The following KCNC1 variants were observed in gnomAD, a reference collection of about 807,000 sequenced individuals.
KCNC1 encodes the protein potassium voltage-gated channel subfamily C member 1, also known as voltage-gated potassium channel KCNC1.
Under a neutral mutation model 43.4 loss-of-function variants are expected in KCNC1, and 8 were observed. The observed-to-expected ratio is 0.18, with a 90% CI of 0.11 to 0.33. The LOEUF is 0.33. KCNC1 is among the 10% of genes least tolerant of loss of function. KCNC1 has a pLI of 1.00. For missense variants in KCNC1, 420 were observed against 836.0 expected, an observed-to-expected ratio of 0.50 and a Z score of 6.14; for synonymous variants, 361 against 360.5, an observed-to-expected ratio of 1.00 and a Z score of -0.01.
At chr11:17,778,258 C>T (rs1340564725) in intron 2 of KCNC1, among the ~76,000 whole-genome samples, 2 of 152,228 alleles carry the variant, frequency 1.3e-5, no homozygotes, top group Non-Finnish European at 2.9e-5. Context: ...GCTCCGAGAT[C>T]GCAGAGAGAC....
rs1328552809 is a variant in KCNC1, at chr11:17,736,293, C to G, written c.291C>G (p.Asp97Glu). The G allele has an allele frequency of 6.2e-7, 1 of 1,613,438 alleles. No individual in the cohort carries two copies. Among genetic ancestry groups the G allele is most frequent in the Non-Finnish European group, 8.5e-7 (1 of 1,179,886 alleles). The change falls in exon 1 of 4, where the codon GAC (aspartate) becomes GAG (glutamate). Residue 97 changes from aspartate to glutamate, a missense_variant. By Grantham distance (45) the Asp-to-Glu change is conservative (BLOSUM62 2). Coordinates refer to ENST00000265969, the MANE Select transcript of KCNC1 (RefSeq NM_001112741.2). The surrounding 1 kb of genome is among the most constrained non-coding windows in gnomAD (Gnocchi z 9.3). ...YEEELAFWGI[D>E]ETDVEPCCWM... ...AGGAGCTGGCCTTCTGGGGCATCGA[C>G]GAGACCGACGTGGAGCCCTGCTGCT...
chr11:17,751,946 G>A (rs532883783), intron 1 of KCNC1, among the ~76,000 whole-genome samples: 49 of 152,312 alleles, frequency 3.2e-4, no homozygotes, highest in African/African-American at 9.6e-4. Flanking sequence ...ATGTGTTCAA[G>A]GAGGCAGTGC....
intron 1 of KCNC1, among the ~76,000 whole-genome samples, chr11:17,740,923 G>C (rs1040140959): frequency 1.3e-5 from 2 of 152,166 alleles, no homozygotes; most frequent in Non-Finnish European, 2.9e-5. Context: ...CCTCCCTTGG[G>C]TCCCAGCCGA....
At position 17,775,118 on chromosome 11, in the gene KCNC1, C is replaced by T. The variant is rs556296722; in HGVS notation, c.1504+2520C>T. On this transcript the variant is annotated intron_variant, in intron 2 of 3. Coordinates refer to ENST00000265969, the MANE Select transcript of KCNC1 (RefSeq NM_001112741.2). ...GGGGCAAGGAAGGTAAATGTGGTGG[C>T]CCCACAGGAATTGTGAGAGATGAGA... 11 of 985,590 alleles carry T rather than the reference C, an allele frequency of 1.1e-5. No homozygotes were observed. In the African/African-American group the frequency reaches 1.2e-4, roughly 11 times the overall value. 61.1% of individuals were successfully genotyped at this position (985,590 alleles called of 1,614,324 possible). A position where few individuals can be genotyped will look rare whatever the true frequency, so the allele number is the denominator to read the frequency against.
rs1438661827 is a variant in KCNC1 at position 17,736,609 on chromosome 11, G to A, written c.570+37G>A. 2.1e-6 allele frequency: 3 copies of A among 1,459,276 alleles called. No individual in the cohort carries two copies. Among genetic ancestry groups the A allele is most frequent in the Non-Finnish European group, 2.7e-6 (3 of 1,112,228 alleles). 90.4% of individuals were successfully genotyped at this position (1,459,276 alleles called of 1,614,324 possible). ...TTTACCCATCAGAAGAGCGGGGCGGGAAGGCAGCGTCCTGTGCCTCCCCGC... is the reference window on the plus strand; with the variant it reads ...TTTACCCATCAGAAGAGCGGGGCGGAAAGGCAGCGTCCTGTGCCTCCCCGC... On this transcript the variant is annotated intron_variant, in intron 1 of 3. Transcript: ENST00000265969. This position sits in a 1 kb window ranked among gnomAD's most constrained non-coding sequence, Gnocchi z 9.3.
chr11:17,752,308 A>AC, intron 1 of KCNC1, among the ~76,000 whole-genome samples: 1 of 152,050 alleles, frequency 6.6e-6, no homozygotes, highest in South Asian at 2.1e-4. Context: ...ACCAAGCTGC[A>AC]CCCCCCACAC....
intron 1 of KCNC1, among the ~76,000 whole-genome samples, chr11:17,749,856 A>C (rs1848945389): frequency 6.6e-6 from 1 of 152,240 alleles, no homozygotes; most frequent in Non-Finnish European, 1.5e-5. Flanking sequence ...TCATCTATAA[A>C]GTGTGCATAA....
chr11:17,748,195 C>T (rs1360218484), intron 1 of KCNC1, among the ~76,000 whole-genome samples: 4 of 152,000 alleles, frequency 2.6e-5, no homozygotes, highest in African/African-American at 7.3e-5. Context: ...GGCAGGGAAG[C>T]GTCACTGTGA....
intron 1 of KCNC1, among the ~76,000 whole-genome samples, chr11:17,769,714 A>G (rs1485460417): frequency 6.6e-6 from 1 of 152,120 alleles, no homozygotes; most frequent in East Asian, 1.9e-4. Context: ...ATTAATTAAT[A>G]AAAATTTAAA....
Position 17,758,981 on chromosome 11 carries a change from T to A in KCNC1, c.571-12684T>A, listed in dbSNP as rs569862172. On this transcript the variant is annotated intron_variant, in intron 1 of 3. Transcript: ENST00000265969. ...AGCTTTGAAGCCAGGCATTGACTTC[T>A]TCTCTCTAGCTATGAAAACCCTCAA... Among the ~76,000 whole-genome samples the A allele has an allele frequency of 5.9e-5, 9 of 152,370 alleles. No individual in the cohort carries two copies. In the East Asian group the frequency reaches 1.5e-3, roughly 26 times the overall value.
At position 17,779,458 on chromosome 11, in the gene KCNC1, T is replaced by G; in HGVS notation, c.1507T>G (p.Ser503Ala). 2 of 1,544,348 alleles carry G rather than the reference T, an allele frequency of 1.3e-6. No individual in the cohort carries two copies. The highest frequency in any genetic ancestry group is 1.7e-6 in the Non-Finnish European group (2 of 1,144,066). The change falls in exon 3 of 4, where the codon TCC becomes GCC. Residue 503 changes from serine to alanine, a missense_variant and splice_region_variant. Around this residue, in one of 5 missense-constraint regions of KCNC1, gnomAD observed 147 missense variants for 176.1 expected, o/e 0.83. Transcript: ENST00000265969. The surrounding 1 kb of genome is among the most constrained non-coding windows in gnomAD (Gnocchi z 7.2). ...AGCTTCTGCTTATATGTTTGAAGATTCCAAACTGAATGGGGAGGTGGCGAA... is the reference window on the plus strand; with the variant it reads ...AGCTTCTGCTTATATGTTTGAAGATGCCAAACTGAATGGGGAGGTGGCGAA... The part of the protein sequence containing the change: ...EEILEINRAD[S>A]KLNGEVAKAA...
intron 2 of KCNC1, chr11:17,775,619 G>A (rs1373137537): frequency 8.1e-6 from 8 of 985,532 alleles, no homozygotes; most frequent in African/African-American, 3.5e-5. Context: ...TGCCCAGACC[G>A]CCCACTCTGG....
Position 17,735,595 on chromosome 11 carries a change from A to C in KCNC1, c.-408A>C. 1.2e-5 allele frequency: 2 copies of C among 171,446 alleles called. No homozygotes were observed. The highest frequency in any genetic ancestry group is 2.4e-5 in the Non-Finnish European group (2 of 82,500). 10.6% of individuals were successfully genotyped at this position (171,446 alleles called of 1,614,324 possible). A position where few individuals can be genotyped will look rare whatever the true frequency, so the allele number is the denominator to read the frequency against. On this transcript the variant is annotated 5_prime_UTR_variant, in exon 1 of 4. Transcript: ENST00000265969. This position sits in a 1 kb window ranked among gnomAD's most constrained non-coding sequence, Gnocchi z 6.7. ...TCTCCATTTTCCCGCGGAGATGGGG[A>C]CGGGAGCCCGGCCCCCCAACCCATT...
chr11:17,765,547 G>A (rs1849138645), intron 1 of KCNC1, among the ~76,000 whole-genome samples: 1 of 152,176 alleles, frequency 6.6e-6, no homozygotes, highest in African/African-American at 2.4e-5. Flanking sequence ...CATAGAAATG[G>A]GATGCCTTGC....
chr11:17,736,140 C>T lies in KCNC1; in HGVS notation c.138C>T (p.Phe46=). The part of the protein sequence containing the change: ...WLAEPDAHSH[F]DYDPRADEFF... ...CGGAGCCCGACGCCCACAGCCACTT[C>T]GACTATGACCCGCGTGCTGACGAGT... The change falls in exon 1 of 4, where the codon TTC becomes TTT. Residue 46 remains phenylalanine, a synonymous_variant. Transcript: ENST00000265969. The surrounding 1 kb of genome is among the most constrained non-coding windows in gnomAD (Gnocchi z 9.3). 6.2e-7 allele frequency: 1 copy of T among 1,612,942 alleles called. No individual in the cohort carries two copies. Among genetic ancestry groups the T allele is most frequent in the East Asian group, 2.2e-5 (1 of 44,832 alleles).
intron 1 of KCNC1, among the ~76,000 whole-genome samples, chr11:17,751,808 G>GA (rs1452471919): frequency 1.3e-5 from 2 of 152,232 alleles, no homozygotes; most frequent in African/African-American, 4.8e-5. Context: ...GTGAGTGGGG[G>GA]ATTGCCCTTT....
intron 1 of KCNC1, among the ~76,000 whole-genome samples, chr11:17,753,816 C>G (rs780841928): frequency 6.6e-5 from 10 of 152,176 alleles, no homozygotes; most frequent in Non-Finnish European, 1.5e-4. Context: ...ACCATGTGTC[C>G]CAGATTCCAA....
rs1590106866 is a variant in KCNC1, at chr11:17,772,550, G to A, written c.1456G>A (p.Asp486Asn). The change falls in exon 2 of 4, where the codon GAC (aspartate) becomes AAC (asparagine). Residue 486 changes from aspartate (D) to asparagine (N), a missense_variant. By Grantham distance (23) the Asp-to-Asn change is conservative. Around this residue, in one of 5 missense-constraint regions of KCNC1, gnomAD observed 147 missense variants for 176.1 expected, o/e 0.83. Coordinates refer to ENST00000265969, the MANE Select transcript of KCNC1 (RefSeq NM_001112741.2). ...VNSPHHSTQS[D>N]TCPLAQEEIL... ...CTCTCCACACCACAGTACTCAGAGT[G>A]ACACATGTCCGCTGGCCCAGGAAGA... The A allele has an allele frequency of 7.4e-6, 12 of 1,614,074 alleles. No homozygotes were observed. Among genetic ancestry groups the A allele is most frequent in the Non-Finnish European group, 1.0e-5 (12 of 1,179,920 alleles).
In KCNC1 at chr11:17,742,167, C is replaced by T. The variant is rs1184009195; in HGVS notation, c.570+5595C>T. On this transcript the variant is annotated intron_variant, in intron 1 of 3. Coordinates refer to ENST00000265969, the MANE Select transcript of KCNC1 (RefSeq NM_001112741.2). This position sits in a 1 kb window ranked among gnomAD's most constrained non-coding sequence, Gnocchi z 4.2. The stretch of plus-strand genomic sequence containing the variant: ...TTAGCTGAGGGCTGGCTGGGAAACT[C>T]GTATCTCCTGACTCCTGGCTCACAG... 2.0e-5 allele frequency among the ~76,000 whole-genome samples: 3 copies of T among 152,212 alleles called. No individual in the cohort carries two copies. The highest frequency in any genetic ancestry group is 4.4e-5 in the Non-Finnish European group (3 of 68,040).
Sources: allele counts gnomAD v4.1 joint callset (sites outside exome capture counted in the v4.1 genomes callset), GRCh38; gene constraint gnomAD v4.1.1; regional missense constraint gnomAD v4.1.1; non-coding constraint Gnocchi (gnomAD v3.1); transcripts MANE v1.5; gene names NCBI Gene and HGNC (gene_info 2026-07-23, HGNC 2026-07-21).